The following BABAM2 variants were observed in gnomAD, a reference collection of about 807,000 sequenced individuals.
BABAM2 encodes the protein BRISC and BRCA1-A complex member 2.
BABAM2 carries 31 observed loss-of-function variants against 54.7 expected under a neutral mutation model. The ratio of observed to expected loss-of-function variants is 0.57; its 90% CI spans 0.43 to 0.77. The LOEUF is 0.77. Among genes scored for constraint, BABAM2 ranks in the 30% least tolerant of loss-of-function variants. The pLI, the probability that BABAM2 is intolerant of heterozygous loss-of-function variation, is 0.00. For synonymous variants in BABAM2, 167 were observed against 162.9 expected (o/e 1.03, Z -0.19); for missense variants, 364 against 455.8 (o/e 0.80, Z 1.83).
intron 10 of BABAM2, among the ~76,000 whole-genome samples, chr2:28,287,289 A>C (rs1318654898): frequency 6.6e-6 from 1 of 152,224 alleles, no homozygotes; most frequent in African/African-American, 2.4e-5. Flanking sequence ...TAATTTAACC[A>C]GATTTCTTTT....
At chr2:27,899,593 C>T (rs953555491) in intron 2 of BABAM2, among the ~76,000 whole-genome samples, 2 of 151,946 alleles carry the variant, frequency 1.3e-5, no homozygotes, top group Admixed American at 6.6e-5. Flanking sequence ...CTGCCTCAGC[C>T]TCCTGAGTAG....
chr2:27,906,146 G>T (rs1306340250), intron 2 of BABAM2, among the ~76,000 whole-genome samples: 1 of 152,150 alleles, frequency 6.6e-6, no homozygotes, highest in South Asian at 2.1e-4. Flanking sequence ...AGTGTGTGGG[G>T]TCATAGATGT....
chr2:28,065,494 TGAG>T (rs1322563068), intron 6 of BABAM2, among the ~76,000 whole-genome samples: 1 of 152,078 alleles, frequency 6.6e-6, no homozygotes, highest in African/African-American at 2.4e-5. Context: ...TAGTCTGGGA[TGAG>T]GGAAAGGAAA....
At chr2:28,309,743 C>A (rs2148276669) in intron 11 of BABAM2, among the ~76,000 whole-genome samples, 1 of 152,300 alleles carries the variant, frequency 6.6e-6, no homozygotes, top group East Asian at 1.9e-4. Context: ...TTCTTGGTAC[C>A]AGCACAACCA....
chr2:28,092,749 CCTCTCTCT>C (rs70953901), intron 6 of BABAM2, among the ~76,000 whole-genome samples: 7 of 146,820 alleles, frequency 4.8e-5, no homozygotes, highest in Admixed American at 1.4e-4. Context: ...TTCGTCTCTG[CCTCTCTCT>C]CTCTCTCTCT....
intron 3 of BABAM2, among the ~76,000 whole-genome samples, chr2:27,932,524 G>A (rs1462077916): frequency 6.6e-6 from 1 of 152,158 alleles, no homozygotes. Flanking sequence ...CTTCTGAGTA[G>A]GTGAGCAAGG....
chr2:28,328,237 C>T (rs937616218), intron 11 of BABAM2, among the ~76,000 whole-genome samples: 6 of 152,126 alleles, frequency 3.9e-5, no homozygotes, highest in African/African-American at 1.4e-4. Flanking sequence ...GGCAAGACCA[C>T]GAGGCATGAT....
chr2:28,269,301 G>A (rs754156345), intron 10 of BABAM2, among the ~76,000 whole-genome samples: 4 of 152,062 alleles, frequency 2.6e-5, no homozygotes, highest in Non-Finnish European at 5.9e-5. Flanking sequence ...CTCCATCTTG[G>A]AAGTATTCGC....
At chr2:28,168,042 G>A (rs1673903838) in intron 7 of BABAM2, among the ~76,000 whole-genome samples, 1 of 152,060 alleles carries the variant, frequency 6.6e-6, no homozygotes, top group Non-Finnish European at 1.5e-5. Flanking sequence ...GAGAGTTTTC[G>A]CTAATACCTG....
At chr2:28,141,270 G>A (rs536056456) in intron 7 of BABAM2, among the ~76,000 whole-genome samples, 4 of 151,972 alleles carry the variant, frequency 2.6e-5, no homozygotes, top group African/African-American at 4.8e-5. Flanking sequence ...AATGCTTGGT[G>A]TGTGATCATT....
intron 7 of BABAM2, among the ~76,000 whole-genome samples, chr2:28,222,520 A>G (rs1215248389): frequency 6.6e-6 from 1 of 152,192 alleles, no homozygotes; most frequent in African/African-American, 2.4e-5. Flanking sequence ...GCAGGAGATA[A>G]TAGCTATGGG....
chr2:28,231,864 G>GAGTACTCTAACCATTC (rs1681434104), intron 7 of BABAM2, among the ~76,000 whole-genome samples: 1 of 130,416 alleles, frequency 7.7e-6, no homozygotes, highest in African/African-American at 2.8e-5. Context: ...CTAGAGTGCA[G>GAGTACTCTAACCATTC]TGGTATAAGC....
intron 5 of BABAM2, among the ~76,000 whole-genome samples, chr2:28,044,819 A>T (rs1472341271): frequency 2.6e-5 from 4 of 152,088 alleles, no homozygotes; most frequent in African/African-American, 9.7e-5. Flanking sequence ...TGTCTAAGTA[A>T]AACACACCAT....
intron 6 of BABAM2, among the ~76,000 whole-genome samples, chr2:28,082,852 C>A (rs1355464492): frequency 6.6e-6 from 1 of 152,132 alleles, no homozygotes; most frequent in Non-Finnish European, 1.5e-5. Context: ...GGAGGCCTCA[C>A]CTTTCTCACT....
intron 7 of BABAM2, among the ~76,000 whole-genome samples, chr2:28,146,765 G>T (rs1671529043): frequency 1.3e-5 from 2 of 152,120 alleles, no homozygotes; most frequent in South Asian, 4.1e-4. Flanking sequence ...AATCCATTCT[G>T]ATCCTGACTT....
At chr2:28,051,688 G>A (rs968004579) in intron 6 of BABAM2, among the ~76,000 whole-genome samples, 6 of 151,458 alleles carry the variant, frequency 4.0e-5, no homozygotes, top group Non-Finnish European at 7.4e-5. Context: ...TGCTCTTGTC[G>A]CCCAGGCTGG....
intron 7 of BABAM2, among the ~76,000 whole-genome samples, chr2:28,182,241 G>A (rs140211221): frequency 0.013 from 2,044 of 152,272 alleles, 30 homozygotes; most frequent in South Asian, 0.051. Flanking sequence ...GGAGAATAGC[G>A]TGTGCAGGGA....
intron 2 of BABAM2, among the ~76,000 whole-genome samples, chr2:27,926,761 A>T (rs1310600903): frequency 6.6e-6 from 1 of 152,220 alleles, no homozygotes; most frequent in Non-Finnish European, 1.5e-5. Flanking sequence ...AAATCAGTGA[A>T]TGAAACACAG....
chr2:28,168,363 G>A (rs568446296), intron 7 of BABAM2, among the ~76,000 whole-genome samples: 48 of 152,296 alleles, frequency 3.2e-4, no homozygotes, highest in African/African-American at 9.6e-4. Flanking sequence ...GCTCACTCAC[G>A]TAGTATAATC....
Sources: allele counts gnomAD v4.1 joint callset (sites outside exome capture counted in the v4.1 genomes callset), GRCh38; gene constraint gnomAD v4.1.1; transcripts MANE v1.5; gene names NCBI Gene and HGNC (gene_info 2026-07-23, HGNC 2026-07-21).